The following ELAC2 variants were observed in gnomAD, a reference collection of about 807,000 sequenced individuals.
The protein encoded by ELAC2 is elaC ribonuclease Z 2.
Under a neutral mutation model 105.2 loss-of-function variants are expected in ELAC2, and 92 were observed. That is an observed-to-expected ratio of 0.87 (90% CI 0.74 to 1.04). ELAC2 has a LOEUF of 1.04. Among genes scored for constraint, ELAC2 ranks in the 50% least tolerant of loss-of-function variants. ELAC2 has a pLI of 0.00. For synonymous variants in ELAC2, 468 were observed against 409.1 expected, an observed-to-expected ratio of 1.14 and a Z score of -1.74; for missense variants, 1,099 against 1,071.7, an observed-to-expected ratio of 1.03 and a Z score of -0.36.
Position 13,002,369 on chromosome 17 carries a change from A to C in ELAC2, c.1219-10T>G. Reference sequence around the variant, plus strand: ...GGGTGGGGCCCTCCTTCTGAAAGAGACAAAACACATTCATGGAGAGAAAGA... The same window carrying C: ...GGGTGGGGCCCTCCTTCTGAAAGAGCCAAAACACATTCATGGAGAGAAAGA... On this transcript the variant is annotated splice_polypyrimidine_tract_variant and intron_variant, in intron 13 of 23. Coordinates refer to ENST00000338034, the MANE Select transcript of ELAC2 (RefSeq NM_018127.7). 1 of 1,614,174 alleles carries C rather than the reference A, an allele frequency of 6.2e-7. No homozygotes were observed. The highest frequency in any genetic ancestry group is 8.5e-7 in the Non-Finnish European group (1 of 1,180,044).
chr17:13,009,978 C>T (rs1018107965), intron 8 of ELAC2, among the ~76,000 whole-genome samples: 4 of 114,108 alleles, frequency 3.5e-5, no homozygotes, highest in African/African-American at 1.3e-4. Flanking sequence ...GCGATGGAGA[C>T]AGACATGGTC....
At chr17:12,995,657 G>A (rs548915140) in intron 19 of ELAC2, 46 bp downstream of exon 19, 7 of 1,554,544 alleles carry the variant, frequency 4.5e-6, no homozygotes, top group African/African-American at 2.7e-5. Context: ...TGAAGGAGAC[G>A]GCAGCAAGCA....
At position 13,014,513 on chromosome 17, in the gene ELAC2, A is replaced by G; in HGVS notation, c.433-17T>C. ...GTATTTTTCCTAATGAAAAACAAAG[A>G]AATGAGCAGTTATGGTTGAACAAAT... On this transcript the variant is annotated splice_polypyrimidine_tract_variant and intron_variant, in intron 4 of 23. Coordinates refer to ENST00000338034, the MANE Select transcript of ELAC2 (RefSeq NM_018127.7). 1 of 1,597,936 alleles carries G rather than the reference A, an allele frequency of 6.3e-7. No homozygotes were observed. Among genetic ancestry groups the G allele is most frequent in the Non-Finnish European group, 8.6e-7 (1 of 1,165,350 alleles).
intron 5 of ELAC2, 38 bp downstream of exon 5, chr17:13,014,401 T>C: frequency 7.2e-6 from 11 of 1,533,366 alleles, no homozygotes; most frequent in Non-Finnish European, 9.9e-6. Context: ...ATATATAAGT[T>C]AGAAATAGCA....
chr17:13,017,958 C>T lies in ELAC2; in HGVS notation c.-11G>A. On this transcript the variant is annotated 5_prime_UTR_variant, in exon 1 of 24. Coordinates refer to ENST00000338034, the MANE Select transcript of ELAC2 (RefSeq NM_018127.7). Reference sequence around the variant, plus strand: ...GCAAAGCGCCCACATGCGCCCGTCTCCACCAAAACTGAGAAAGCCGCCGGT... The same window carrying T: ...GCAAAGCGCCCACATGCGCCCGTCTTCACCAAAACTGAGAAAGCCGCCGGT... 1 of 1,535,930 alleles carries T rather than the reference C, an allele frequency of 6.5e-7. No homozygotes were observed. Among genetic ancestry groups the T allele is most frequent in the Non-Finnish European group, 8.7e-7 (1 of 1,146,644 alleles).
chr17:13,017,600 C>T, intron 1 of ELAC2, 103 bp downstream of exon 1: 2 of 1,579,398 alleles, frequency 1.3e-6, no homozygotes, highest in Non-Finnish European at 1.7e-6. Flanking sequence ...CAGTGAACCA[C>T]ATGTGTGAAG....
intron 14 of ELAC2, 146 bp from the exon 15 acceptor site, chr17:13,000,420 T>A: frequency 1.3e-6 from 1 of 788,566 alleles, no homozygotes; most frequent in South Asian, 1.4e-5. Context: ...GACTAGGATC[T>A]GGGGCAGGTC....
rs766731755 is a variant in ELAC2, at chr17:13,017,723, G to T, written c.225C>A (p.Tyr75Ter). The T allele has an allele frequency of 6.2e-7, 1 of 1,612,868 alleles. No individual in the cohort carries two copies. The highest frequency in any genetic ancestry group is 8.5e-7 in the Non-Finnish European group (1 of 1,179,716). Reference protein sequence around the residue: ...AGSRDSGAALYVFSEFNRYLF... With the variant: ...AGSRDSGAAL ...CTGACCGGTTGAACTCGGAGAAGAC[G>T]TAGAGCGCGGCGCCCGAGTCCCGGC... The change falls in exon 1 of 24, where the codon TAC becomes TAA. Residue 75 changes from tyrosine to a stop codon, truncating the protein, a stop_gained. Coordinates refer to ENST00000338034, the MANE Select transcript of ELAC2 (RefSeq NM_018127.7). LOFTEE classifies it high-confidence loss of function.
At chr17:12,994,238 C>A (rs373940494) in intron 22 of ELAC2, among the ~76,000 whole-genome samples, 187 bp downstream of exon 22, 1 of 152,194 alleles carries the variant, frequency 6.6e-6, no homozygotes, top group East Asian at 1.9e-4. Context: ...TAGAATCTTG[C>A]TTAGAAAATT....
chr17:13,010,131 T>A (rs552501555), intron 8 of ELAC2, among the ~76,000 whole-genome samples: 1 of 152,296 alleles, frequency 6.6e-6, no homozygotes, highest in East Asian at 1.9e-4. Context: ...GAAAGGTCAG[T>A]AGTAATACTT....
At chr17:13,004,166 T>C (rs1452766622) in intron 11 of ELAC2, 1 of 158,346 alleles carries the variant, frequency 6.3e-6, no homozygotes, top group Non-Finnish European at 1.4e-5. Context: ...CATCCACACA[T>C]GGCTCTCAAA....
rs1451041014 is a variant in ELAC2, at chr17:13,017,725, A to G, written c.223T>C (p.Tyr75His). 7 of 1,612,806 alleles carry G rather than the reference A, an allele frequency of 4.3e-6. No homozygotes were observed. The African/African-American group carries it at 8.0e-5, about 18-fold the overall frequency. ...GACCGGTTGAACTCGGAGAAGACGT[A>G]GAGCGCGGCGCCCGAGTCCCGGCTA... Reference protein sequence around the residue: ...AGSRDSGAALYVFSEFNRYLF... With the variant: ...AGSRDSGAALHVFSEFNRYLF... The change falls in exon 1 of 24, where the codon TAC (tyrosine) becomes CAC (histidine). Residue 75 changes from tyrosine (Y) to histidine (H), a missense_variant. By Grantham distance (83) the Tyr-to-His change is moderately conservative. Coordinates refer to ENST00000338034, the MANE Select transcript of ELAC2 (RefSeq NM_018127.7).
chr17:13,000,610 A>C, intron 14 of ELAC2: 1 of 374,404 alleles, frequency 2.7e-6, no homozygotes, highest in Non-Finnish European at 5.1e-6. Flanking sequence ...ACAACCAAGA[A>C]CGTTTCCAGA....
chr17:13,011,903 A>G (rs1231309910), intron 6 of ELAC2, 121 bp from the exon 7 acceptor site: 3 of 1,476,088 alleles, frequency 2.0e-6, no homozygotes, highest in African/African-American at 1.4e-5. Flanking sequence ...TTTACTATAC[A>G]GTAGGAAATA....
rs752530719 is a variant in ELAC2, at chr17:13,016,928, TTA to T, written c.299_300del (p.Leu100Ter). On this transcript the variant is annotated frameshift_variant and splice_region_variant, in exon 3 of 24. Transcript: ENST00000338034. LOFTEE classifies it high-confidence loss of function. ...GVQRLMQEHK[L>X]KVARLDNIFL... ...AATATGTTGTCCAGGCGAGCAACCT[TTA>T]ACCTAAGAATGAAAAAACATTTAAA... is the stretch of plus-strand genomic sequence containing the variant. The T allele has an allele frequency of 6.2e-7, 1 of 1,613,952 alleles. No homozygotes were observed. The highest frequency in any genetic ancestry group is 1.1e-5 in the South Asian group (1 of 91,060).
intron 14 of ELAC2, 168 bp from the exon 15 acceptor site, chr17:13,000,442 CT>C: frequency 2.9e-6 from 2 of 686,762 alleles, no homozygotes; most frequent in Non-Finnish European, 2.6e-6. Context: ...GCTCCACCGC[CT>C]TTTGGATGCT....
At position 12,996,245 on chromosome 17, in the gene ELAC2, C is replaced by A. The variant is rs1389289387; in HGVS notation, c.1660-267G>T. ...GAGACCAAGGTGAGGGTCTCATAGCCACACCTCCTGCATCCGGTCAAAGCT... is the reference window on the plus strand; with the variant it reads ...GAGACCAAGGTGAGGGTCTCATAGCAACACCTCCTGCATCCGGTCAAAGCT... On this transcript the variant is annotated intron_variant, in intron 17 of 23. Coordinates refer to ENST00000338034, the MANE Select transcript of ELAC2 (RefSeq NM_018127.7). 1.1e-5 allele frequency: 7 copies of A among 626,934 alleles called. No individual in the cohort carries two copies. The Admixed American group carries it at 1.7e-4, about 15-fold the overall frequency. The allele number at this position is 626,934 out of a possible 1,614,324, so 38.8% of individuals were successfully genotyped here.
At chr17:13,017,222 G>C (rs888867523) in intron 1 of ELAC2, 101 bp from the exon 2 acceptor site, 2 of 1,105,198 alleles carry the variant, frequency 1.8e-6, no homozygotes, top group Non-Finnish European at 2.7e-6. Context: ...AAAAAAAAAA[G>C]AAAAAAAAAT....
chr17:13,005,978 A>G lies in ELAC2; in HGVS notation c.740T>C (p.Leu247Pro). Residue 247 changes from leucine to proline, a missense_variant and splice_region_variant, in exon 9 of 24, where the codon CTT becomes CCT. By Grantham distance (98) the Leu-to-Pro change is moderately conservative (BLOSUM62 -3). Coordinates refer to ENST00000338034, the MANE Select transcript of ELAC2 (RefSeq NM_018127.7). Reference protein sequence around the residue: ...SSLVVAFICKLHLKRGNFLVL... With the variant: ...SSLVVAFICKPHLKRGNFLVL... ...CAAGAAGTTTCCTCTCTTTAAGTGA[A>G]GCTGCAACAAAGAGAACATAGATGT... is the stretch of plus-strand genomic sequence containing the variant. 2 of 1,614,180 alleles carry G rather than the reference A, an allele frequency of 1.2e-6. No homozygotes were observed. Among genetic ancestry groups the G allele is most frequent in the Non-Finnish European group, 1.7e-6 (2 of 1,180,004 alleles).
Sources: gnomAD v4.1 joint callset for allele counts (sites outside exome capture counted in the v4.1 genomes callset) on GRCh38, gnomAD v4.1.1 for gene constraint, MANE v1.5 for transcripts, NCBI Gene and HGNC (gene_info 2026-07-23, HGNC 2026-07-21) for gene names.